TANC1: variants seen among roughly 807,000 people sequenced by gnomAD.
TANC1 encodes protein TANC1.
A neutral mutation model predicts 149.7 loss-of-function variants in TANC1; 77 were observed. The observed-to-expected ratio is 0.51, with a 90% CI of 0.43 to 0.62. TANC1 has a LOEUF of 0.62. Ranked by LOEUF, TANC1 falls within the 20% of genes least tolerant of loss-of-function variation. The pLI, the probability that TANC1 is intolerant of heterozygous loss-of-function variation, is 0.00. For synonymous variants in TANC1, 854 were observed against 925.0 expected (o/e 0.92, Z 1.39); for missense variants, 1,985 against 2,321.8 (o/e 0.85, Z 2.98).
intron 1 of TANC1, among the ~76,000 whole-genome samples, chr2:158,981,491 T>TTATATATATATATATATATA (rs10602195): frequency 2.9e-5 from 1 of 34,344 alleles, no homozygotes; most frequent in South Asian, 1.8e-3. Flanking sequence ...TATATAGCTT[T>TTATATATATATATATATATA]TATATATATA....
chr2:159,061,647 T>C (rs1353474407), intron 2 of TANC1, among the ~76,000 whole-genome samples: 1 of 152,220 alleles, frequency 6.6e-6, no homozygotes, highest in Non-Finnish European at 1.5e-5. Context: ...AAAACTTTGG[T>C]TGAATAAATT....
At chr2:159,042,524 G>A (rs2040726695) in intron 2 of TANC1, among the ~76,000 whole-genome samples, 1 of 152,068 alleles carries the variant, frequency 6.6e-6, no homozygotes, top group Non-Finnish European at 1.5e-5. Flanking sequence ...GAGAGTGAGA[G>A]CGGGAGGGTG....
At chr2:159,109,727 C>T (rs556304088) in intron 4 of TANC1, among the ~76,000 whole-genome samples, 1 of 152,340 alleles carries the variant, frequency 6.6e-6, no homozygotes, top group Admixed American at 6.5e-5. Flanking sequence ...ATGTGCTGCA[C>T]ACGCTACCCT....
intron 3 of TANC1, among the ~76,000 whole-genome samples, chr2:159,090,750 G>A (rs1054579168): frequency 2.5e-4 from 38 of 152,216 alleles, no homozygotes; most frequent in Non-Finnish European, 5.4e-4. Context: ...CAGAATGACC[G>A]GAGCCAGCGC....
chr2:158,995,344 T>G (rs1255778092), intron 1 of TANC1, among the ~76,000 whole-genome samples: 1 of 152,356 alleles, frequency 6.6e-6, no homozygotes, highest in Non-Finnish European at 1.5e-5. Context: ...CATGTGTTTG[T>G]GTTATTCTCT....
chr2:159,095,545 G>A (rs1406645516), intron 3 of TANC1, among the ~76,000 whole-genome samples: 1 of 151,802 alleles, frequency 6.6e-6, no homozygotes, highest in Non-Finnish European at 1.5e-5. Flanking sequence ...AGACCAGCCT[G>A]ACCAACATGG....
rs773045047 is a variant in TANC1, at chr2:159,150,469, G to A, written c.595G>A (p.Val199Ile). Residue 199 changes from valine (V) to isoleucine (I), a missense_variant, in exon 7 of 27, where the codon GTC becomes ATC. Val to Ile is a conservative substitution (Grantham distance 29). Around this residue, in one of 3 missense-constraint regions of TANC1, gnomAD observed 557 missense variants for 612.9 expected, o/e 0.91. Coordinates refer to ENST00000263635, the MANE Select transcript of TANC1 (RefSeq NM_033394.3). The stretch of plus-strand genomic sequence containing the variant: ...CCCCTGCTCAACCTTGAATAGCTGT[G>A]TCAGCAAGACGGCAGCCAACAAAAG... ...DSPCSTLNSCVSKTAANKSPC... is the reference protein window; with the variant it reads ...DSPCSTLNSCISKTAANKSPC... The A allele has an allele frequency of 5.0e-6, 8 of 1,614,046 alleles. No individual in the cohort carries two copies. Among genetic ancestry groups the A allele is most frequent in the Middle Eastern group, 1.6e-4 (1 of 6,084 alleles).
At chr2:159,057,525 C>T (rs981891895) in intron 2 of TANC1, among the ~76,000 whole-genome samples, 2 of 152,168 alleles carry the variant, frequency 1.3e-5, no homozygotes, top group African/African-American at 4.8e-5. Context: ...CTTGCTGGTC[C>T]AGGAGAGCCA....
At chr2:159,189,265 A>G (rs571183293) in intron 16 of TANC1, among the ~76,000 whole-genome samples, 1 of 152,244 alleles carries the variant, frequency 6.6e-6, no homozygotes, top group Non-Finnish European at 1.5e-5. Context: ...GCTTGTTAAC[A>G]GGAGCTGCCG....
chr2:159,124,796 G>A (rs2049226832), intron 4 of TANC1, among the ~76,000 whole-genome samples: 1 of 151,086 alleles, frequency 6.6e-6, no homozygotes, highest in Admixed American at 6.6e-5. Flanking sequence ...CTGGAGTACA[G>A]TAGCATGAGC....
At chr2:159,101,646 G>A (rs1482615077) in intron 4 of TANC1, among the ~76,000 whole-genome samples, 1 of 152,082 alleles carries the variant, frequency 6.6e-6, no homozygotes, top group African/African-American at 2.4e-5. Context: ...TGTGGCAGTT[G>A]CAAGTCTTTT....
intron 4 of TANC1, 45 bp downstream of exon 4, chr2:159,097,879 C>T (rs2046294694): frequency 6.4e-7 from 1 of 1,553,300 alleles, no homozygotes; most frequent in Non-Finnish European, 8.8e-7. Context: ...TATGTAGTAC[C>T]TGCATTGAAA....
chr2:159,160,607 G>C (rs1293665919), intron 7 of TANC1, among the ~76,000 whole-genome samples: 1 of 152,190 alleles, frequency 6.6e-6, no homozygotes, highest in Admixed American at 6.5e-5. Context: ...CTCAGGGCTC[G>C]GATGGAGCTG....
intron 7 of TANC1, among the ~76,000 whole-genome samples, chr2:159,156,310 G>C (rs903231253): frequency 1.3e-5 from 2 of 151,878 alleles, no homozygotes; most frequent in African/African-American, 4.9e-5. Context: ...GTGAAGAGAA[G>C]AATTTTTCTT....
chr2:159,061,069 G>A (rs1175985782), intron 2 of TANC1, among the ~76,000 whole-genome samples: 8 of 152,176 alleles, frequency 5.3e-5, no homozygotes, highest in Admixed American at 5.2e-4. Context: ...AGAAGAATAT[G>A]TGACATTTGG....
chr2:159,126,075 T>C (rs1454995425), intron 4 of TANC1, among the ~76,000 whole-genome samples: 1 of 152,206 alleles, frequency 6.6e-6, no homozygotes, highest in East Asian at 1.9e-4. Context: ...TGTGTGATTA[T>C]AGCAAGCTTA....
At chr2:159,132,068 C>T (rs1301084653) in intron 4 of TANC1, among the ~76,000 whole-genome samples, 6 of 152,168 alleles carry the variant, frequency 3.9e-5, no homozygotes, top group African/African-American at 1.4e-4. Context: ...AATGGTGATT[C>T]AGTGCCTGGG....
chr2:159,171,984 C>T (rs2055305025), intron 10 of TANC1, 137 bp from the exon 11 acceptor site: 1 of 740,952 alleles, frequency 1.3e-6, no homozygotes, highest in East Asian at 2.7e-5. Context: ...CCTGTGCTCT[C>T]ATGTGGACCT....
chr2:159,028,507 TC>T (rs2039530063), intron 2 of TANC1, among the ~76,000 whole-genome samples: 1 of 152,186 alleles, frequency 6.6e-6, no homozygotes, highest in African/African-American at 2.4e-5. Flanking sequence ...GTAATCTGAA[TC>T]CTTGAGTTTG....
Sources: allele counts gnomAD v4.1 joint callset (sites outside exome capture counted in the v4.1 genomes callset), GRCh38; gene constraint gnomAD v4.1.1; regional missense constraint gnomAD v4.1.1; transcripts MANE v1.5; gene names NCBI Gene and HGNC (gene_info 2026-07-23, HGNC 2026-07-21).